ESRRB: variants seen among roughly 807,000 people sequenced by gnomAD.
The protein encoded by ESRRB is steroid hormone receptor ERR2.
ESRRB carries 16 observed loss-of-function variants against 46.0 expected under a neutral mutation model. The ratio of observed to expected loss-of-function variants is 0.35; its 90% CI spans 0.24 to 0.53. The LOEUF is 0.53. Among genes scored for constraint, ESRRB ranks in the 20% least tolerant of loss-of-function variants. The probability of loss-of-function intolerance (pLI) is 0.93; values close to 1 mark genes in which losing one functional copy is unlikely to be tolerated. For missense variants in ESRRB, 488 were observed against 607.4 expected (o/e 0.80, Z 2.07); for synonymous variants, 246 against 259.6 (o/e 0.95, Z 0.50).
intron 1 of ESRRB, among the ~76,000 whole-genome samples, chr14:76,431,485 C>A (rs1407386992): frequency 6.6e-6 from 1 of 152,160 alleles, no homozygotes; most frequent in Non-Finnish European, 1.5e-5. Context: ...AATGTCCAGC[C>A]AAGGCAGGAA....
At chr14:76,472,963 T>A (rs1484105815) in intron 3 of ESRRB, among the ~76,000 whole-genome samples, 1 of 152,192 alleles carries the variant, frequency 6.6e-6, no homozygotes, top group Non-Finnish European at 1.5e-5. Context: ...CCTCGACATC[T>A]CCCTAGACCT....
intron 1 of ESRRB, among the ~76,000 whole-genome samples, chr14:76,418,200 C>T (rs111294810): frequency 3.3e-4 from 50 of 152,164 alleles, no homozygotes; most frequent in African/African-American, 1.2e-3. Context: ...GGTGATCCAC[C>T]CACCTCAACC....
intron 1 of ESRRB, among the ~76,000 whole-genome samples, chr14:76,313,513 C>T (rs1010659467): frequency 6.6e-6 from 1 of 152,134 alleles, no homozygotes; most frequent in African/African-American, 2.4e-5. Flanking sequence ...CAGTCCTGAC[C>T]TCCTCCCAAA....
In ESRRB at chr14:76,500,509, C is replaced by T. The variant is rs1276271252; in HGVS notation, c.*2051C>T. 1 of 649,824 alleles carries T rather than the reference C, an allele frequency of 1.5e-6. No homozygotes were observed. The highest frequency in any genetic ancestry group is 2.8e-6 in the Non-Finnish European group (1 of 360,154). 40.3% of individuals were successfully genotyped at this position (649,824 alleles called of 1,614,324 possible). A position where few individuals can be genotyped will look rare whatever the true frequency, so the allele number is the denominator to read the frequency against. On this transcript the variant is annotated 3_prime_UTR_variant, in exon 7 of 7. Coordinates refer to ENST00000644823, the MANE Select transcript of ESRRB (RefSeq NM_001379180.1). Reference sequence around the variant, plus strand: ...TTAGAGGCTCTGCCCTGAGGTTCTGCTCCGGAGAAACCTTCACAGTAGAGA... The same window carrying T: ...TTAGAGGCTCTGCCCTGAGGTTCTGTTCCGGAGAAACCTTCACAGTAGAGA...
At chr14:76,458,336 C>T (rs1392950192) in intron 2 of ESRRB, among the ~76,000 whole-genome samples, 1 of 152,088 alleles carries the variant, frequency 6.6e-6, no homozygotes, top group Non-Finnish European at 1.5e-5. Context: ...AGCAAGGCCG[C>T]CAGCCTGGCT....
In ESRRB at chr14:76,500,844, G is replaced by T; in HGVS notation, c.*2386G>T. The T allele has an allele frequency of 1.9e-6, 2 of 1,061,712 alleles. No homozygotes were observed. The highest frequency in any genetic ancestry group is 2.9e-6 in the Non-Finnish European group (2 of 678,816). The allele number at this position is 1,061,712 out of a possible 1,614,324, so 65.8% of individuals were successfully genotyped here. Reference sequence around the variant, plus strand: ...GCAGAGTGGGGCGGAAGTCCTGATGGTTGGTGTCCATGAGGTGGAAGCTGC... The same window carrying T: ...GCAGAGTGGGGCGGAAGTCCTGATGTTTGGTGTCCATGAGGTGGAAGCTGC... On this transcript the variant is annotated 3_prime_UTR_variant, in exon 7 of 7. Transcript: ENST00000644823.
intron 1 of ESRRB, among the ~76,000 whole-genome samples, chr14:76,360,554 G>T (rs757689964): frequency 6.6e-6 from 1 of 152,104 alleles, no homozygotes; most frequent in Non-Finnish European, 1.5e-5. Flanking sequence ...TGGCCCTACC[G>T]CCAGTAGAAC....
At chr14:76,332,803 ATT>A (rs1566853434) in intron 1 of ESRRB, among the ~76,000 whole-genome samples, 15 of 11,250 alleles carry the variant, frequency 1.3e-3, no homozygotes, top group African/African-American at 3.2e-3. Flanking sequence ...TATATAATAT[ATT>A]TATATATTAT....
chr14:76,320,773 C>T (rs1472669638), intron 1 of ESRRB, among the ~76,000 whole-genome samples: 1 of 152,124 alleles, frequency 6.6e-6, no homozygotes, highest in Admixed American at 6.5e-5. Flanking sequence ...ATGGTGTGAA[C>T]TGGAGAATAT....
intron 1 of ESRRB, among the ~76,000 whole-genome samples, chr14:76,386,636 A>C (rs1378383328): frequency 6.6e-6 from 1 of 151,672 alleles, no homozygotes; most frequent in African/African-American, 2.4e-5. Context: ...ATTATTTTGT[A>C]TTTTTAGTAG....
chr14:76,360,835 G>T, intron 1 of ESRRB, among the ~76,000 whole-genome samples: 1 of 152,150 alleles, frequency 6.6e-6, no homozygotes, highest in Non-Finnish European at 1.5e-5. Flanking sequence ...GCACACACCT[G>T]TCTACCTTTC....
At position 76,358,325 on chromosome 14, in the gene ESRRB, AAGAAAGAAAGAAAGAAAG is replaced by A. The variant is rs1566859594; in HGVS notation, c.2+47411_2+47428del. Among the ~76,000 whole-genome samples, 34 of 15,098 alleles carry A rather than the reference AAGAAAGAAAGAAAGAAAG, an allele frequency of 2.3e-3. 3 individuals are homozygous for A. Among genetic ancestry groups the A allele is most frequent in the African/African-American group, 7.0e-3 (31 of 4,454 alleles). 9.9% of individuals were successfully genotyped at this position (15,098 alleles called of 152,430 possible). On this transcript the variant is annotated intron_variant, in intron 1 of 6. Transcript: ENST00000512784. The stretch of plus-strand genomic sequence containing the variant: ...AGACTCTGTCTCAAAAAAAAAAAAA[AAGAAAGAAAGAAAGAAAG>A]AAAGAAAGAAAGAAAGAAAGAAAGA...
chr14:76,447,052 T>A (rs1257707121), intron 2 of ESRRB, among the ~76,000 whole-genome samples: 1 of 152,122 alleles, frequency 6.6e-6, no homozygotes, highest in African/African-American at 2.4e-5. Flanking sequence ...TGCACTCTCT[T>A]CCATGTTCGC....
At chr14:76,346,705 A>G (rs1884254672) in intron 1 of ESRRB, among the ~76,000 whole-genome samples, 1 of 152,142 alleles carries the variant, frequency 6.6e-6, no homozygotes, top group Non-Finnish European at 1.5e-5. Context: ...ACATGCCCAG[A>G]CCACGGGAGC....
chr14:76,412,340 G>T (rs182150474), intron 1 of ESRRB, among the ~76,000 whole-genome samples: 1 of 152,346 alleles, frequency 6.6e-6, no homozygotes, highest in East Asian at 1.9e-4. Context: ...AGTGGAGGTA[G>T]TTCCCTTTCT....
rs528514032 is a variant in ESRRB at position 76,452,277 on chromosome 14, A to C, written c.461-10268A>C. On this transcript the variant is annotated intron_variant, in intron 2 of 6. Transcript: ENST00000644823. ...TTTAACAGTGCAGTTAGGGCCGTCC[A>C]AACCAAGATCAGGGCAAAAGGGCTA... 8.5e-5 allele frequency among the ~76,000 whole-genome samples: 13 copies of C among 152,186 alleles called. No homozygotes were observed. In the South Asian group the frequency reaches 2.7e-3, roughly 32 times the overall value.
At chr14:76,328,464 A>G (rs1883963180) in intron 1 of ESRRB, among the ~76,000 whole-genome samples, 1 of 152,150 alleles carries the variant, frequency 6.6e-6, no homozygotes, top group South Asian at 2.1e-4. Context: ...TGCCGCAGGC[A>G]GCCTTTAAAA....
At chr14:76,422,652 G>A (rs970248794) in intron 1 of ESRRB, among the ~76,000 whole-genome samples, 1 of 152,218 alleles carries the variant, frequency 6.6e-6, no homozygotes, top group African/African-American at 2.4e-5. Context: ...ACAATGTACA[G>A]GTGCCCAATG....
intron 1 of ESRRB, among the ~76,000 whole-genome samples, chr14:76,358,107 T>C (rs7494032): frequency 0.4 from 60,429 of 150,226 alleles, 13,016 homozygotes; most frequent in East Asian, 0.64. Flanking sequence ...AGGTCAGGAG[T>C]TCGAGACCAG....
Sources: allele counts gnomAD v4.1 joint callset (sites outside exome capture counted in the v4.1 genomes callset), GRCh38; gene constraint gnomAD v4.1.1; transcripts MANE v1.5; gene names NCBI Gene and HGNC (gene_info 2026-07-23, HGNC 2026-07-21).